Variants in ADAMTSL1 observed in about 807,000 individuals in gnomAD.
The protein encoded by ADAMTSL1 is ADAMTS like 1, also known as ADAMTS-like protein 1.
Under a neutral mutation model 201.8 loss-of-function variants are expected in ADAMTSL1, and 126 were observed. That is an observed-to-expected ratio of 0.62 (90% CI 0.54 to 0.72). The LOEUF is 0.72. ADAMTSL1 is among the 30% of genes least tolerant of loss of function. The pLI, the probability that ADAMTSL1 is intolerant of heterozygous loss-of-function variation, is 0.00. For synonymous variants in ADAMTSL1, 1,121 were observed against 903.4 expected (o/e 1.24, Z -4.32); for missense variants, 2,679 against 2,277.8 (o/e 1.18, Z -3.59).
At chr9:18,906,667 T>G in intron 27 of ADAMTSL1, 25 bp from the exon 28 acceptor site, 1 of 1,536,242 alleles carries the variant, frequency 6.5e-7, no homozygotes. Flanking sequence ...AAGCAAACCT[T>G]AACCCTGCCA....
intron 1 of ADAMTSL1, among the ~76,000 whole-genome samples, chr9:18,477,988 A>T (rs1275085554): frequency 1.3e-5 from 2 of 152,204 alleles, no homozygotes; most frequent in Non-Finnish European, 2.9e-5. Flanking sequence ...AAGTCTTTTG[A>T]GAGACAAAGA....
intron 1 of ADAMTSL1, among the ~76,000 whole-genome samples, chr9:18,054,916 G>C (rs1822107937): frequency 6.6e-6 from 1 of 152,120 alleles, no homozygotes; most frequent in African/African-American, 2.4e-5. Flanking sequence ...TACTGAACTG[G>C]TCCAACTATT....
intron 1 of ADAMTSL1, among the ~76,000 whole-genome samples, chr9:18,481,998 CA>C (rs1322811857): frequency 6.6e-6 from 1 of 152,044 alleles, no homozygotes; most frequent in Non-Finnish European, 1.5e-5. Context: ...AAAATCCACG[CA>C]AAAAACAAAT....
chr9:18,236,028 A>G (rs1830833897), intron 2 of ADAMTSL1, among the ~76,000 whole-genome samples: 1 of 152,176 alleles, frequency 6.6e-6, no homozygotes, highest in Non-Finnish European at 1.5e-5. Context: ...CTTGGATTCT[A>G]ATGAAGATGA....
chr9:18,716,655 T>G lies in ADAMTSL1; in HGVS notation c.1877-4881T>G, dbSNP rs562429915. Among the ~76,000 whole-genome samples the G allele has an allele frequency of 7.5e-5, 11 of 146,506 alleles. No individual in the cohort carries two copies. In the South Asian group the frequency reaches 1.4e-3, roughly 19 times the overall value. On this transcript the variant is annotated intron_variant, in intron 14 of 28. Transcript: ENST00000380548. ...ACTGTTGGTGGGACTGTAAACTAGT[T>G]CAACCATTGTGGAAGTCAGTGTGGC...
chr9:18,252,718 C>G (rs1831513815), intron 2 of ADAMTSL1, among the ~76,000 whole-genome samples: 1 of 152,088 alleles, frequency 6.6e-6, no homozygotes, highest in Non-Finnish European at 1.5e-5. Context: ...GCCCATCATA[C>G]TAGCAAAACT....
At chr9:18,257,786 C>T (rs537357812) in intron 2 of ADAMTSL1, among the ~76,000 whole-genome samples, 16 of 152,234 alleles carry the variant, frequency 1.1e-4, no homozygotes, top group African/African-American at 3.4e-4. Flanking sequence ...GAGGCCTAGA[C>T]ATAAAATATT....
At chr9:18,083,100 C>G (rs572360471) in intron 1 of ADAMTSL1, among the ~76,000 whole-genome samples, 1 of 152,252 alleles carries the variant, frequency 6.6e-6, no homozygotes, top group South Asian at 2.1e-4. Flanking sequence ...GAACGTAAGA[C>G]TTGAGACAAA....
chr9:18,144,309 G>A (rs565804460), intron 1 of ADAMTSL1, among the ~76,000 whole-genome samples: 5 of 152,072 alleles, frequency 3.3e-5, no homozygotes, highest in East Asian at 3.9e-4. Context: ...TGGTTCAAGC[G>A]ATTACTCTGC....
At chr9:18,603,640 A>G (rs1339699834) in intron 4 of ADAMTSL1, among the ~76,000 whole-genome samples, 2 of 152,176 alleles carry the variant, frequency 1.3e-5, no homozygotes, top group Non-Finnish European at 2.9e-5. Context: ...ACACAGCTCT[A>G]TGTATTCCTT....
intron 2 of ADAMTSL1, among the ~76,000 whole-genome samples, chr9:18,463,762 G>C (rs1242137454): frequency 1.3e-5 from 2 of 152,158 alleles, no homozygotes; most frequent in Non-Finnish European, 2.9e-5. Flanking sequence ...TGTCAATAAA[G>C]ACTTGGGTTG....
rs140618599 is a variant in ADAMTSL1 at position 18,123,152 on chromosome 9, G to C, written c.88-40710G>C. Among the ~76,000 whole-genome samples, 376 of 152,268 alleles carry C rather than the reference G, an allele frequency of 2.5e-3. 2 individuals are homozygous for C. The highest frequency in any genetic ancestry group is 8.5e-3 in the African/African-American group (352 of 41,554). On this transcript the variant is annotated intron_variant, in intron 1 of 29. Coordinates refer to the ADAMTSL1 transcript ENST00000680146. ...TGAATTTAAAATCCACTTAGGAAAA[G>C]CTGGCTTCAGGTATTAGAATTCTTA...
rs1291221301 is a variant in ADAMTSL1, at chr9:18,893,180, T to C, written c.4851+584T>C. Among the ~76,000 whole-genome samples, 3 of 152,206 alleles carry C rather than the reference T, an allele frequency of 2.0e-5. No individual in the cohort carries two copies. The South Asian group carries it at 6.2e-4, about 32-fold the overall frequency. ...TGAGCTCCCTTTGCCAGGGGGAATATCGTCTTTCTCCTACCTGGAAAAGCC... is the reference window on the plus strand; with the variant it reads ...TGAGCTCCCTTTGCCAGGGGGAATACCGTCTTTCTCCTACCTGGAAAAGCC... On this transcript the variant is annotated intron_variant, in intron 26 of 28. Transcript: ENST00000380548.
At chr9:18,568,423 CT>C (rs1392690472) in intron 3 of ADAMTSL1, among the ~76,000 whole-genome samples, 2 of 152,108 alleles carry the variant, frequency 1.3e-5, no homozygotes, top group African/African-American at 2.4e-5. Context: ...ATAGAGCAGC[CT>C]TTTATGGTAA....
intron 1 of ADAMTSL1, among the ~76,000 whole-genome samples, chr9:18,128,754 C>T (rs1461226369): frequency 6.6e-6 from 1 of 152,056 alleles, no homozygotes; most frequent in Non-Finnish European, 1.5e-5. Flanking sequence ...AATTCCCATT[C>T]CCTCTTCCCC....
intron 4 of ADAMTSL1, among the ~76,000 whole-genome samples, chr9:18,588,878 CATATACATATATATATATAT>C (rs1173840469): frequency 1.4e-4 from 15 of 103,600 alleles, no homozygotes; most frequent in Non-Finnish European, 1.8e-4. Flanking sequence ...CATATATATA[CATATACATATATATATATAT>C]ATATACATAT....
intron 2 of ADAMTSL1, among the ~76,000 whole-genome samples, chr9:18,375,216 C>T (rs765777628): frequency 2.0e-5 from 3 of 152,330 alleles, no homozygotes; most frequent in East Asian, 1.9e-4. Flanking sequence ...GAGAATAGCC[C>T]TTACTGGTTC....
intron 2 of ADAMTSL1, among the ~76,000 whole-genome samples, chr9:18,242,161 C>G (rs1314779234): frequency 6.6e-6 from 1 of 152,102 alleles, no homozygotes; most frequent in Non-Finnish European, 1.5e-5. Context: ...GATTTCATAT[C>G]ATGAACAAAT....
chr9:18,085,290 G>A (rs1351238361), intron 1 of ADAMTSL1, among the ~76,000 whole-genome samples: 1 of 152,044 alleles, frequency 6.6e-6, no homozygotes, highest in Non-Finnish European at 1.5e-5. Flanking sequence ...CCAGCTGTGC[G>A]ATCTTGGGCA....
Sources: gnomAD v4.1 joint callset for allele counts (sites outside exome capture counted in the v4.1 genomes callset) on GRCh38, gnomAD v4.1.1 for gene constraint, MANE v1.5 for transcripts, NCBI Gene and HGNC (gene_info 2026-07-23, HGNC 2026-07-21) for gene names.